Variants in SULF1 observed in about 807,000 individuals in gnomAD.
SULF1 encodes the protein extracellular sulfatase Sulf-1.
A neutral mutation model predicts 110.5 loss-of-function variants in SULF1; 46 were observed. The observed-to-expected ratio is 0.42, with a 90% CI of 0.33 to 0.53. SULF1 has a LOEUF of 0.53. Ranked by LOEUF, SULF1 falls within the 20% of genes least tolerant of loss-of-function variation. SULF1 has a pLI of 0.12. For missense variants in SULF1, 941 were observed against 1,094.2 expected (o/e 0.86, Z 1.98); for synonymous variants, 371 against 387.1 (o/e 0.96, Z 0.49).
chr8:69,560,773 G>A (rs1262291505), intron 3 of SULF1, among the ~76,000 whole-genome samples: 1 of 152,136 alleles, frequency 6.6e-6, no homozygotes, highest in African/African-American at 2.4e-5. Flanking sequence ...GCAGTTAAGA[G>A]GATGACAGGC....
chr8:69,620,710 G>GAACT (rs1809530588), intron 13 of SULF1, among the ~76,000 whole-genome samples: 1 of 152,188 alleles, frequency 6.6e-6, no homozygotes, highest in Non-Finnish European at 1.5e-5. Flanking sequence ...GTGTCTTGGT[G>GAACT]AACTAACGGC....
intron 3 of SULF1, among the ~76,000 whole-genome samples, chr8:69,541,298 C>T (rs1206749505): frequency 1.3e-5 from 2 of 152,194 alleles, no homozygotes; most frequent in African/African-American, 4.8e-5. Context: ...TAGTCTTAAC[C>T]TAGGCAAAGG....
intron 5 of SULF1, among the ~76,000 whole-genome samples, chr8:69,569,708 A>T (rs1230369044): frequency 6.6e-6 from 1 of 152,180 alleles, no homozygotes; most frequent in Admixed American, 6.5e-5. Flanking sequence ...AGGCATGTTA[A>T]CTTCCATTCC....
intron 4 of SULF1, 65 bp from the exon 5 acceptor site, chr8:69,563,851 C>G: frequency 1.1e-6 from 1 of 941,434 alleles, no homozygotes; most frequent in South Asian, 1.6e-5. Flanking sequence ...CCTTTCTCTG[C>G]AACTGTGCTT....
chr8:69,625,520 G>A (rs956361709), intron 15 of SULF1, among the ~76,000 whole-genome samples: 7 of 152,180 alleles, frequency 4.6e-5, no homozygotes, highest in Non-Finnish European at 1.0e-4. Context: ...TGTGTTCGGA[G>A]TTTCTTCCTT....
At chr8:69,489,368 A>C (rs1026212095), upstream of SULF1, among the ~76,000 whole-genome samples, 2 of 151,808 alleles carry the variant, frequency 1.3e-5, no homozygotes, top group African/African-American at 4.8e-5. Context: ...AGTATCCTAC[A>C]CTCCTCCCTT....
chr8:69,525,230 A>G (rs1364091115), intron 3 of SULF1, among the ~76,000 whole-genome samples: 1 of 152,068 alleles, frequency 6.6e-6, no homozygotes, highest in Non-Finnish European at 1.5e-5. Flanking sequence ...CAGGAATGGC[A>G]CTTTTGGCAG....
chr8:69,594,721 A>G (rs1807174734), intron 8 of SULF1, among the ~76,000 whole-genome samples: 1 of 152,198 alleles, frequency 6.6e-6, no homozygotes, highest in South Asian at 2.1e-4. Flanking sequence ...CAAAAAAAAA[A>G]AATCTGATTT....
chr8:69,644,603 G>A (rs144679545), intron 22 of SULF1, among the ~76,000 whole-genome samples: 38 of 151,576 alleles, frequency 2.5e-4, no homozygotes, highest in South Asian at 1.0e-3. Context: ...GTGAAACCCC[G>A]TCTGTACTAA....
chr8:69,597,542 G>C (rs1250851302), intron 8 of SULF1: 1 of 152,162 alleles, frequency 6.6e-6, no homozygotes, highest in Non-Finnish European at 1.5e-5. Flanking sequence ...CAGATTTAAC[G>C]TATGTCATTC....
chr8:69,588,863 C>T, intron 7 of SULF1, 109 bp from the exon 8 acceptor site: 2 of 1,093,710 alleles, frequency 1.8e-6, no homozygotes, highest in Non-Finnish European at 2.7e-6. Flanking sequence ...CTGCTGTAGA[C>T]CTTGCCACTT....
At chr8:69,640,600 T>G (rs1811401800) in intron 21 of SULF1, among the ~76,000 whole-genome samples, 1 of 152,168 alleles carries the variant, frequency 6.6e-6, no homozygotes, top group Non-Finnish European at 1.5e-5. Flanking sequence ...AACTCTTATT[T>G]TTTTTTTTAT....
intron 3 of SULF1, among the ~76,000 whole-genome samples, chr8:69,526,182 G>A (rs1023948832): frequency 5.3e-5 from 8 of 152,204 alleles, no homozygotes; most frequent in African/African-American, 1.7e-4. Context: ...GTATATCTCA[G>A]GAACCTTCTC....
intron 3 of SULF1, among the ~76,000 whole-genome samples, chr8:69,535,448 G>A (rs1483682430): frequency 6.6e-6 from 1 of 152,002 alleles, no homozygotes; most frequent in African/African-American, 2.4e-5. Context: ...TGGGAGAGAG[G>A]AGGAGGTGCA....
In SULF1 at chr8:69,603,335, C is replaced by G; in HGVS notation, c.1190+15C>G. 3.7e-6 allele frequency: 6 copies of G among 1,613,882 alleles called. 1 individual carries two copies. The Middle Eastern group carries it at 1.0e-3, about 275-fold the overall frequency. On this transcript the variant is annotated intron_variant, in intron 11 of 22. Transcript: ENST00000402687. ...CCAGGTAACAGGTGTGTCATTGTTC[C>G]TCCTCTCAGCCAGCCCCAAATACAC...
At chr8:69,652,454 A>T (rs749974695) in intron 22 of SULF1, among the ~76,000 whole-genome samples, 1 of 152,196 alleles carries the variant, frequency 6.6e-6, no homozygotes, top group Non-Finnish European at 1.5e-5. Flanking sequence ...TTCTCTTTTC[A>T]TTGAAGATTT....
intron 2 of SULF1, among the ~76,000 whole-genome samples, chr8:69,496,868 A>G (rs982802382): frequency 8.5e-5 from 13 of 152,142 alleles, no homozygotes; most frequent in African/African-American, 2.9e-4. Context: ...CTGAGTCCAA[A>G]CTGTTGCTGG....
At chr8:69,562,805 A>G (rs1815597710) in intron 3 of SULF1, 1 of 152,818 alleles carries the variant, frequency 6.5e-6, no homozygotes, top group South Asian at 2.1e-4. Flanking sequence ...ACAAAGCGAA[A>G]CCCCTGTGCT....
At chr8:69,566,620 G>A (rs1473478840) in intron 5 of SULF1, among the ~76,000 whole-genome samples, 1 of 152,186 alleles carries the variant, frequency 6.6e-6, no homozygotes, top group Non-Finnish European at 1.5e-5. Flanking sequence ...GGAGGCTGAG[G>A]CAGGCGGATC....
Sources: allele counts gnomAD v4.1 joint callset (sites outside exome capture counted in the v4.1 genomes callset), GRCh38; gene constraint gnomAD v4.1.1; transcripts MANE v1.5; gene names NCBI Gene and HGNC (gene_info 2026-07-23, HGNC 2026-07-21).